Variants in CTNNA3 observed in about 807,000 individuals in gnomAD.
The protein encoded by CTNNA3 is catenin alpha-3.
In CTNNA3, 76 loss-of-function variants were observed where a neutral mutation model predicts 95.7. That is an observed-to-expected ratio of 0.79 (90% CI 0.66 to 0.96). The LOEUF is 0.96. Ranked by LOEUF, CTNNA3 falls within the 40% of genes least tolerant of loss-of-function variation. The pLI, the probability that CTNNA3 is intolerant of heterozygous loss-of-function variation, is 0.00. For missense variants in CTNNA3, 1,191 were observed against 1,089.8 expected (o/e 1.09, Z -1.31); for synonymous variants, 431 against 374.4 (o/e 1.15, Z -1.74).
chr10:66,196,888 C>T (rs969119623), intron 13 of CTNNA3, among the ~76,000 whole-genome samples: 4 of 152,174 alleles, frequency 2.6e-5, no homozygotes, highest in African/African-American at 4.8e-5. Context: ...CCTCCATGAG[C>T]TAGTGAATGG....
chr10:66,605,602 T>C (rs200554442), intron 10 of CTNNA3, among the ~76,000 whole-genome samples: 1 of 152,010 alleles, frequency 6.6e-6, no homozygotes, highest in Non-Finnish European at 1.5e-5. Context: ...AGACTAACAG[T>C]GGACCTTTCA....
chr10:66,449,286 T>G (rs1353121518), intron 11 of CTNNA3, among the ~76,000 whole-genome samples: 2 of 152,066 alleles, frequency 1.3e-5, no homozygotes, highest in Non-Finnish European at 2.9e-5. Flanking sequence ...ATTATCCATT[T>G]TTTGGTGTTT....
At chr10:66,776,654 G>A (rs1381024010) in intron 7 of CTNNA3, among the ~76,000 whole-genome samples, 1 of 152,022 alleles carries the variant, frequency 6.6e-6, no homozygotes. Flanking sequence ...GTTCTTACAT[G>A]TAATGTACCT....
At position 66,957,460 on chromosome 10, in the gene CTNNA3, A is replaced by G. The variant is rs1848882177; in HGVS notation, c.1048-181936T>C. 3.9e-5 allele frequency among the ~76,000 whole-genome samples: 2 copies of G among 51,008 alleles called. 1 individual carries two copies. The highest frequency in any genetic ancestry group is 1.2e-4 in the Non-Finnish European group (2 of 16,656). 33.5% of individuals were successfully genotyped at this position (51,008 alleles called of 152,430 possible). On this transcript the variant is annotated intron_variant, in intron 7 of 17. Coordinates refer to ENST00000433211, the MANE Select transcript of CTNNA3 (RefSeq NM_013266.4). ...TATATATGCATATATATATATGCAT[A>G]TATATATATGTTTGATCCTGAAGGA...
In CTNNA3 at chr10:66,110,448, A is replaced by G. The variant is rs139579515; in HGVS notation, c.1885-7199T>C. On this transcript the variant is annotated intron_variant, in intron 13 of 17. Transcript: ENST00000433211. Reference sequence around the variant, plus strand: ...TCACAATAGCTAAGAGATGGAAGCAACCTAGGTGTCTTTCATTGGATGAAT... The same window carrying G: ...TCACAATAGCTAAGAGATGGAAGCAGCCTAGGTGTCTTTCATTGGATGAAT... Among the ~76,000 whole-genome samples the G allele has an allele frequency of 2.9e-3, 435 of 152,052 alleles. 5 individuals carry two copies. Among genetic ancestry groups the G allele is most frequent in the African/African-American group, 9.5e-3 (392 of 41,476 alleles).
chr10:67,505,006 T>C (rs1839388531), intron 5 of CTNNA3, among the ~76,000 whole-genome samples: 2 of 152,222 alleles, frequency 1.3e-5, no homozygotes, highest in Non-Finnish European at 2.9e-5. Flanking sequence ...TAGATGTATG[T>C]TTATATTAGA....
intron 12 of CTNNA3, among the ~76,000 whole-genome samples, chr10:66,339,875 G>T (rs12412358): frequency 0.047 from 7,082 of 151,638 alleles, 359 homozygotes; most frequent in East Asian, 0.23. Flanking sequence ...CAGATTTCTT[G>T]AGTGGCTCCC....
At chr10:66,144,072 A>T (rs2083751945) in intron 13 of CTNNA3, among the ~76,000 whole-genome samples, 1 of 152,194 alleles carries the variant, frequency 6.6e-6, no homozygotes, top group Non-Finnish European at 1.5e-5. Context: ...GTTGTTGCTA[A>T]GACAATTTAT....
chr10:65,985,877 C>A (rs898351515), intron 16 of CTNNA3, among the ~76,000 whole-genome samples: 3 of 151,310 alleles, frequency 2.0e-5, no homozygotes, highest in African/African-American at 7.3e-5. Context: ...TAAGAAAAAC[C>A]TTTCTTTGTG....
intron 7 of CTNNA3, among the ~76,000 whole-genome samples, chr10:67,093,963 G>C (rs1420038347): frequency 6.6e-6 from 1 of 151,872 alleles, no homozygotes; most frequent in African/African-American, 2.4e-5. Context: ...GTGATGTCAG[G>C]CAGCAGGTAG....
rs555195159 is a variant in CTNNA3, at chr10:66,287,473, G to C, written c.1733-6852C>G. Reference sequence around the variant, plus strand: ...GTAAGAATTCAAAATTAGGCACTCAGACTCAGAGCCTGTGCCCATAGCCAC... The same window carrying C: ...GTAAGAATTCAAAATTAGGCACTCACACTCAGAGCCTGTGCCCATAGCCAC... On this transcript the variant is annotated intron_variant, in intron 12 of 17. Transcript: ENST00000433211. Among the ~76,000 whole-genome samples the C allele has an allele frequency of 9.7e-4, 147 of 152,142 alleles. 1 individual carries two copies. Among genetic ancestry groups the C allele is most frequent in the African/African-American group, 3.4e-3 (143 of 41,520 alleles).
At chr10:66,770,670 GAA>G (rs1275516253) in intron 8 of CTNNA3, among the ~76,000 whole-genome samples, 1 of 151,940 alleles carries the variant, frequency 6.6e-6, no homozygotes, top group Non-Finnish European at 1.5e-5. Context: ...AGCCCTATGT[GAA>G]AAGTCTAAAA....
intron 7 of CTNNA3, among the ~76,000 whole-genome samples, chr10:67,005,763 G>A (rs141626373): frequency 2.5e-4 from 31 of 125,342 alleles, no homozygotes; most frequent in African/African-American, 8.2e-4. Flanking sequence ...TTGACTCACT[G>A]CAACCTCCGC....
chr10:66,942,782 T>C (rs192540049), intron 7 of CTNNA3, among the ~76,000 whole-genome samples: 1 of 152,296 alleles, frequency 6.6e-6, no homozygotes, highest in East Asian at 1.9e-4. Context: ...TTAGTAACTA[T>C]TACATTTCTA....
In CTNNA3 at chr10:66,596,582, C is replaced by T. The variant is rs117909612; in HGVS notation, c.1374+25110G>A. ...CAAGAGAATATACAAAATCTAAATA[C>T]TTACCTCTTTGAAGAGAAAAGAGAA... On this transcript the variant is annotated intron_variant, in intron 10 of 17. Transcript: ENST00000433211. Among the ~76,000 whole-genome samples, 17 of 152,268 alleles carry T rather than the reference C, an allele frequency of 1.1e-4. No homozygotes were observed. In the East Asian group the frequency reaches 2.9e-3, roughly 26 times the overall value.
intron 12 of CTNNA3, among the ~76,000 whole-genome samples, chr10:66,338,544 G>A (rs1489123462): frequency 6.6e-6 from 1 of 151,888 alleles, no homozygotes; most frequent in Non-Finnish European, 1.5e-5. Flanking sequence ...TAGTAATTAA[G>A]TGATAGTAAA....
intron 13 of CTNNA3, among the ~76,000 whole-genome samples, chr10:66,172,430 A>G (rs1373334822): frequency 1.3e-5 from 2 of 152,114 alleles, no homozygotes; most frequent in African/African-American, 4.8e-5. Context: ...TATGTTTTAC[A>G]TTATCCTATG....
At chr10:66,130,346 A>G (rs773404526) in intron 13 of CTNNA3, among the ~76,000 whole-genome samples, 13 of 152,152 alleles carry the variant, frequency 8.5e-5, no homozygotes, top group Non-Finnish European at 1.3e-4. Flanking sequence ...CTAGCAGAAG[A>G]CAAGAAATAA....
At chr10:66,645,877 G>T (rs1845690700) in intron 9 of CTNNA3, among the ~76,000 whole-genome samples, 2 of 152,152 alleles carry the variant, frequency 1.3e-5, no homozygotes, top group African/African-American at 4.8e-5. Flanking sequence ...GTCCCAAAAA[G>T]GTTGGGGATC....
Sources: gnomAD v4.1 joint callset for allele counts (sites outside exome capture counted in the v4.1 genomes callset) on GRCh38, gnomAD v4.1.1 for gene constraint, MANE v1.5 for transcripts, NCBI Gene and HGNC (gene_info 2026-07-23, HGNC 2026-07-21) for gene names.